KIRREL3: variants seen among roughly 807,000 people sequenced by gnomAD.
The protein encoded by KIRREL3 is kin of IRRE-like protein 3.
A neutral mutation model predicts 89.7 loss-of-function variants in KIRREL3; 36 were observed. The ratio of observed to expected loss-of-function variants is 0.40; its 90% CI spans 0.31 to 0.53. The LOEUF is 0.53. Among genes scored for constraint, KIRREL3 ranks in the 20% least tolerant of loss-of-function variants. The pLI is 0.49. For missense variants in KIRREL3, 864 were observed against 1,056.6 expected (o/e 0.82, Z 2.53); for synonymous variants, 445 against 441.4 (o/e 1.01, Z -0.10).
chr11:126,602,986 G>C (rs1942728575), intron 1 of KIRREL3, among the ~76,000 whole-genome samples: 1 of 152,162 alleles, frequency 6.6e-6, no homozygotes, highest in Non-Finnish European at 1.5e-5. Context: ...CTGAGGCATA[G>C]AGACCAATAG....
intron 1 of KIRREL3, among the ~76,000 whole-genome samples, chr11:126,714,107 C>T (rs1947865046): frequency 2.0e-5 from 3 of 152,162 alleles, no homozygotes; most frequent in African/African-American, 7.2e-5. Flanking sequence ...TGAAGAAGAC[C>T]CTCACTCCCA....
Position 126,729,008 on chromosome 11 carries a change from G to A in KIRREL3, c.56-166096C>T, listed in dbSNP as rs1003744542. Among the ~76,000 whole-genome samples, 28 of 152,238 alleles carry A rather than the reference G, an allele frequency of 1.8e-4. No homozygotes were observed. The highest frequency in any genetic ancestry group is 3.8e-4 in the Non-Finnish European group (26 of 68,046). On this transcript the variant is annotated intron_variant, in intron 1 of 16. Transcript: ENST00000525144. The surrounding 1 kb of genome is among the most constrained non-coding windows in gnomAD (Gnocchi z 4.5). The stretch of plus-strand genomic sequence containing the variant: ...CTGTTGCTGAGGAGACCTTGAGGAG[G>A]AGGCTTTTGGGGCAGGCATGCCTGT...
Position 126,703,980 on chromosome 11 carries a change from C to T in KIRREL3, c.56-141068G>A, listed in dbSNP as rs1947418044. Among the ~76,000 whole-genome samples, 1 of 152,212 alleles carries T rather than the reference C, an allele frequency of 6.6e-6. No individual in the cohort carries two copies. The highest frequency in any genetic ancestry group is 1.5e-5 in the Non-Finnish European group (1 of 68,040). ...GAATTTCTGTCAGATTGCTTGAACT[C>T]ACTCTCTGGAATCACTGCGCCCATC... On this transcript the variant is annotated intron_variant, in intron 1 of 16. Coordinates refer to ENST00000525144, the MANE Select transcript of KIRREL3 (RefSeq NM_032531.4). The surrounding 1 kb of genome is among the most constrained non-coding windows in gnomAD (Gnocchi z 4.6).
At chr11:126,850,702 C>T (rs1309463626) in intron 1 of KIRREL3, among the ~76,000 whole-genome samples, 1 of 152,198 alleles carries the variant, frequency 6.6e-6, no homozygotes, top group East Asian at 1.9e-4. Context: ...GTTCCAGCCA[C>T]TGCTTATCCC....
rs1024499352 is a variant in KIRREL3, at chr11:126,704,306, C to T, written c.56-141394G>A. Among the ~76,000 whole-genome samples, 4 of 152,082 alleles carry T rather than the reference C, an allele frequency of 2.6e-5. No homozygotes were observed. Among genetic ancestry groups the T allele is most frequent in the African/African-American group, 9.7e-5 (4 of 41,384 alleles). On this transcript the variant is annotated intron_variant, in intron 1 of 16. Transcript: ENST00000525144. This position sits in a 1 kb window ranked among gnomAD's most constrained non-coding sequence, Gnocchi z 4.2. ...GCAGAATGAAGTGAGCACAGCAGCA[C>T]AGAACAACAGCTGGTAGGAAGCATG...
rs2135297228 is a variant in KIRREL3 at position 126,997,212 on chromosome 11, C to T, written c.55+3243G>A. 6.6e-6 allele frequency among the ~76,000 whole-genome samples: 1 copy of T among 152,288 alleles called. No homozygotes were observed. The highest frequency in any genetic ancestry group is 2.1e-4 in the South Asian group (1 of 4,816). ...AAATGATAAAGAGGAAAAAATATAG[C>T]AAGTTCTAAGTTTATGGATGACAAA... is the stretch of plus-strand genomic sequence containing the variant. On this transcript the variant is annotated intron_variant, in intron 1 of 16. Transcript: ENST00000525144. The surrounding 1 kb of genome is among the most constrained non-coding windows in gnomAD (Gnocchi z 4.3).
chr11:126,886,958 G>GA (rs35698745), intron 1 of KIRREL3, among the ~76,000 whole-genome samples: 93,596 of 151,830 alleles, frequency 0.62, 30,388 homozygotes, highest in African/African-American at 0.82. Context: ...CAACATTCAA[G>GA]AAAAAAGGAT....
chr11:126,768,577 G>GACTGGAGGTGGGTTGGAGGA lies in KIRREL3; in HGVS notation c.56-205685_56-205666dup, dbSNP rs1565715983. On this transcript the variant is annotated intron_variant, in intron 1 of 16. Coordinates refer to ENST00000525144, the MANE Select transcript of KIRREL3 (RefSeq NM_032531.4). This position sits in a 1 kb window ranked among gnomAD's most constrained non-coding sequence, Gnocchi z 4.5. Reference sequence around the variant, plus strand: ...AAAACAGGGGCATGAGCTAGACAGGGACTGGAGGTGGGTTGGAGGACTACT... The same window carrying GACTGGAGGTGGGTTGGAGGA: ...AAAACAGGGGCATGAGCTAGACAGGGACTGGAGGTGGGTTGGAGGAACTGGAGGTGGGTTGGAGGACTACT... Among the ~76,000 whole-genome samples the GACTGGAGGTGGGTTGGAGGA allele has an allele frequency of 6.6e-6, 1 of 152,226 alleles. No homozygotes were observed. Among genetic ancestry groups the GACTGGAGGTGGGTTGGAGGA allele is most frequent in the Non-Finnish European group, 1.5e-5 (1 of 68,046 alleles).
rs1404298926 is a variant in KIRREL3 at position 126,867,253 on chromosome 11, A to G, written c.55+133202T>C. Among the ~76,000 whole-genome samples, 1 of 152,222 alleles carries G rather than the reference A, an allele frequency of 6.6e-6. No homozygotes were observed. The highest frequency in any genetic ancestry group is 1.5e-5 in the Non-Finnish European group (1 of 68,034). ...CTATCACACAGCCTGCCATGGGGAT[A>G]AAGGAAATTCTCCCGTTTCAATAGC... On this transcript the variant is annotated intron_variant, in intron 1 of 16. Transcript: ENST00000525144. The surrounding 1 kb of genome is among the most constrained non-coding windows in gnomAD (Gnocchi z 4.7).
chr11:126,592,856 G>T (rs1397817000), intron 1 of KIRREL3, among the ~76,000 whole-genome samples: 2 of 152,186 alleles, frequency 1.3e-5, no homozygotes, highest in African/African-American at 4.8e-5. Context: ...TCTCAGCTCA[G>T]GCAGAAAAGG....
intron 1 of KIRREL3, among the ~76,000 whole-genome samples, chr11:126,678,367 G>A (rs1202381522): frequency 6.6e-6 from 1 of 152,000 alleles, no homozygotes; most frequent in South Asian, 2.1e-4. Context: ...TTGGGAGGCC[G>A]AGGCGGGCAG....
At position 126,429,639 on chromosome 11, in the gene KIRREL3, GC is replaced by G. The variant is rs1332796203; in HGVS notation, c.1697-352del. ...TCCTTCTAGAAGTCTTCTCTGACCT[GC>G]TCTACCAGGCGGGCTCCAATCCCTC... On this transcript the variant is annotated intron_variant, in intron 14 of 16. Transcript: ENST00000525144. This position sits in a 1 kb window ranked among gnomAD's most constrained non-coding sequence, Gnocchi z 5.2. Among the ~76,000 whole-genome samples the G allele has an allele frequency of 6.6e-6, 1 of 152,182 alleles. No individual in the cohort carries two copies. The highest frequency in any genetic ancestry group is 6.5e-5 in the Admixed American group (1 of 15,274).
At position 126,816,229 on chromosome 11, in the gene KIRREL3, A is replaced by G. The variant is rs559427238; in HGVS notation, c.55+184226T>C. 4.7e-4 allele frequency among the ~76,000 whole-genome samples: 72 copies of G among 152,376 alleles called. No individual in the cohort carries two copies. In the South Asian group the frequency reaches 0.015, roughly 32 times the overall value. ...CACTAGTGCTACATGTTAAAATTAG[A>G]AAGTAGGTAAATAACAAGGACAGTA... On this transcript the variant is annotated intron_variant, in intron 1 of 16. Coordinates refer to ENST00000525144, the MANE Select transcript of KIRREL3 (RefSeq NM_032531.4).
At chr11:126,964,786 T>C (rs534758882) in intron 1 of KIRREL3, among the ~76,000 whole-genome samples, 1 of 152,184 alleles carries the variant, frequency 6.6e-6, no homozygotes, top group African/African-American at 2.4e-5. Context: ...GAGGTAAATA[T>C]TGATGGAGGC....
intron 1 of KIRREL3, among the ~76,000 whole-genome samples, chr11:126,894,099 T>G (rs1176244459): frequency 6.6e-6 from 1 of 152,222 alleles, no homozygotes; most frequent in Non-Finnish European, 1.5e-5. Context: ...CACCTCGTCC[T>G]GTTGGGGTGG....
chr11:126,888,024 C>T (rs1356234117), intron 1 of KIRREL3, among the ~76,000 whole-genome samples: 2 of 152,184 alleles, frequency 1.3e-5, no homozygotes, highest in African/African-American at 4.8e-5. Flanking sequence ...TAACCATAAA[C>T]AGGAATCAAT....
intron 1 of KIRREL3, among the ~76,000 whole-genome samples, chr11:126,929,133 G>A (rs150362209): frequency 2.3e-3 from 347 of 152,306 alleles, no homozygotes; most frequent in African/African-American, 5.5e-3. Context: ...GTGACTGAGC[G>A]TGGTCAGAGG....
rs1771947297 is a variant in KIRREL3 at position 126,558,512 on chromosome 11, G to A, written c.133+4323C>T. On this transcript the variant is annotated intron_variant, in intron 2 of 16. Coordinates refer to ENST00000525144, the MANE Select transcript of KIRREL3 (RefSeq NM_032531.4). The surrounding 1 kb of genome is among the most constrained non-coding windows in gnomAD (Gnocchi z 4.0). ...CTGGGTGTCTGGAGCCCTGGGCTGT[G>A]GTCCTGGCTCTTCCAGCCACTTCAT... Among the ~76,000 whole-genome samples the A allele has an allele frequency of 6.8e-6, 1 of 148,080 alleles. No homozygotes were observed. The highest frequency in any genetic ancestry group is 2.6e-5 in the African/African-American group (1 of 37,764).
At chr11:126,688,787 C>T (rs1454037448) in intron 1 of KIRREL3, among the ~76,000 whole-genome samples, 1 of 152,162 alleles carries the variant, frequency 6.6e-6, no homozygotes, top group Admixed American at 6.5e-5. Context: ...TATAAACTCT[C>T]TTCTTGTCTC....
Sources: allele counts gnomAD v4.1 joint callset (sites outside exome capture counted in the v4.1 genomes callset), GRCh38; gene constraint gnomAD v4.1.1; non-coding constraint Gnocchi (gnomAD v3.1); transcripts MANE v1.5; gene names NCBI Gene and HGNC (gene_info 2026-07-23, HGNC 2026-07-21).